Variants in JAK2 observed in about 807,000 individuals in gnomAD.
JAK2 encodes tyrosine-protein kinase JAK2.
A neutral mutation model predicts 139.3 loss-of-function variants in JAK2; 86 were observed. That is an observed-to-expected ratio of 0.62 (90% confidence interval 0.52 to 0.74). The LOEUF (loss-of-function observed/expected upper bound fraction) is 0.74, where lower values mean the gene tolerates loss of function less well. Among genes scored for constraint, JAK2 ranks in the 30% least tolerant of loss-of-function variants. The pLI is 0.00. For missense variants in JAK2, 1,421 were observed against 1,360.3 expected (o/e 1.04, Z -0.70); for synonymous variants, 490 against 437.7 (o/e 1.12, Z -1.49).
At chr9:5,002,977 A>T (rs914115392) in intron 2 of JAK2, among the ~76,000 whole-genome samples, 4 of 151,980 alleles carry the variant, frequency 2.6e-5, no homozygotes, top group Admixed American at 1.3e-4. Context: ...ACTAAGCCAC[A>T]TGTTTTGAAA....
Position 5,044,491 on chromosome 9 carries a change from G to T in JAK2, c.439G>T (p.Asp147Tyr). The change falls in exon 5 of 25, where the codon GAC (aspartate) becomes TAC (tyrosine). Residue 147 changes from aspartate to tyrosine, a missense_variant. Coordinates refer to ENST00000381652, the MANE Select transcript of JAK2 (RefSeq NM_004972.4). ...AGGTGCTGAAGCTCCTCTTCTTGAT[G>T]ACTTTGTCATGTCTTACCTCTTTGC... ...SRGAEAPLLDDFVMSYLFAQW... is the reference protein window; with the variant it reads ...SRGAEAPLLDYFVMSYLFAQW... 3 of 1,610,162 alleles carry T rather than the reference G, an allele frequency of 1.9e-6. No individual in the cohort carries two copies. In the South Asian group the frequency reaches 3.3e-5, roughly 18 times the overall value.
chr9:5,055,036 T>C, intron 7 of JAK2, 152 bp downstream of exon 7: 1 of 505,776 alleles, frequency 2.0e-6, no homozygotes, highest in Non-Finnish European at 3.4e-6. Context: ...CAAGGTCATA[T>C]AATTCTTTGC....
chr9:5,038,051 CATT>C (rs1044937323), intron 4 of JAK2, among the ~76,000 whole-genome samples: 66 of 152,208 alleles, frequency 4.3e-4, no homozygotes, highest in Non-Finnish European at 4.3e-4. Flanking sequence ...TACAACTATT[CATT>C]ATTCTTATAA....
chr9:5,008,278 T>C (rs1038144961), intron 2 of JAK2, among the ~76,000 whole-genome samples: 1 of 152,244 alleles, frequency 6.6e-6, no homozygotes, highest in South Asian at 2.1e-4. Context: ...TCATTAATAA[T>C]TTGTTGAGAA....
chr9:5,090,918 A>G lies in JAK2; in HGVS notation c.3059+7A>G, dbSNP rs760076178. The G allele has an allele frequency of 6.5e-7, 1 of 1,545,038 alleles. No individual in the cohort carries two copies. The highest frequency in any genetic ancestry group is 2.1e-5 in the Admixed American group (1 of 47,238). Reference sequence around the variant, plus strand: ...GTGAAAGTCCCATATTCTGGTGAGTATATTTCAGTATGATAAATGAAATTT... The same window carrying G: ...GTGAAAGTCCCATATTCTGGTGAGTGTATTTCAGTATGATAAATGAAATTT... On this transcript the variant is annotated splice_region_variant and intron_variant, in intron 22 of 24. Coordinates refer to ENST00000381652, the MANE Select transcript of JAK2 (RefSeq NM_004972.4).
In JAK2 at chr9:5,072,722, T is replaced by C. The variant is rs753573078; in HGVS notation, c.1776+96T>C. 74 of 941,266 alleles carry C rather than the reference T, an allele frequency of 7.9e-5. No individual in the cohort carries two copies. The Middle Eastern group carries it at 1.1e-3, about 14-fold the overall frequency. 58.3% of individuals were successfully genotyped at this position (941,266 alleles called of 1,614,324 possible). ...TACTCATGTGTGCAGCTTTTCAAAA[T>C]TGTAATTTTTAAATGTGTCAAGGAC... On this transcript the variant is annotated intron_variant, in intron 13 of 24. Coordinates refer to ENST00000381652, the MANE Select transcript of JAK2 (RefSeq NM_004972.4).
intron 19 of JAK2, chr9:5,085,762 G>T (rs1475530428): frequency 1.9e-5 from 14 of 754,836 alleles, no homozygotes; most frequent in Non-Finnish European, 3.2e-5. Context: ...GCTTGCACAT[G>T]TCGGGAGTTA....
intron 22 of JAK2, chr9:5,111,091 A>G: frequency 8.2e-7 from 1 of 1,221,112 alleles, no homozygotes; most frequent in Non-Finnish European, 1.1e-6. Flanking sequence ...CTCCTGGGGC[A>G]GCGGCGACCA....
chr9:5,054,781 G>C lies in JAK2; in HGVS notation c.833G>C (p.Gly278Ala). ...EKFEVKEPGS[G>A]PSGEEIFATI... is the part of the protein sequence containing the mutation. ...TTTGAAGTAAAAGAACCTGGAAGTG[G>C]TCCTTCAGGTGAGGAGATTTTTGCA... Residue 278 changes from glycine to alanine, a missense_variant, in exon 7 of 25, where the codon GGT becomes GCT. Transcript: ENST00000381652. The surrounding 1 kb of genome is among the most constrained non-coding windows in gnomAD (Gnocchi z 4.9). 1.1e-5 allele frequency: 18 copies of C among 1,612,760 alleles called. No homozygotes were observed. The highest frequency in any genetic ancestry group is 1.5e-5 in the Non-Finnish European group (18 of 1,178,954).
chr9:5,040,626 CAACTT>C (rs959402086), intron 4 of JAK2, among the ~76,000 whole-genome samples: 9 of 152,244 alleles, frequency 5.9e-5, no homozygotes, highest in African/African-American at 1.7e-4. Flanking sequence ...AAGACAATGA[CAACTT>C]AATTTAAAAA....
At chr9:5,113,309 T>A (rs1822812445) in intron 22 of JAK2, among the ~76,000 whole-genome samples, 1 of 143,550 alleles carries the variant, frequency 7.0e-6, no homozygotes, top group Admixed American at 7.3e-5. Context: ...GGAGAAATCG[T>A]AACATATCAC....
intron 22 of JAK2, among the ~76,000 whole-genome samples, chr9:5,103,220 G>GC (rs1821662158): frequency 1.2e-3 from 8 of 6,906 alleles, no homozygotes; most frequent in African/African-American, 5.6e-3. Flanking sequence ...CAAAGGGAAA[G>GC]CAAAAAAAAA....
rs1819888451 is a variant in JAK2, at chr9:4,985,420, T to C, written c.-319T>C. On this transcript the variant is annotated 5_prime_UTR_variant, in exon 1 of 25. Coordinates refer to ENST00000381652, the MANE Select transcript of JAK2 (RefSeq NM_004972.4). ...CCGGGCTTGCGGCGCGCGTCGGGGC[T>C]GAGGGCTGCTGCGGCGCAGGGAGAG... 6.6e-6 allele frequency: 1 copy of C among 152,402 alleles called. No individual in the cohort carries two copies. The highest frequency in any genetic ancestry group is 1.5e-5 in the Non-Finnish European group (1 of 68,230). 9.4% of individuals were successfully genotyped at this position (152,402 alleles called of 1,614,324 possible).
chr9:5,017,090 T>C (rs1822117246), intron 2 of JAK2, among the ~76,000 whole-genome samples: 1 of 152,176 alleles, frequency 6.6e-6, no homozygotes, highest in South Asian at 2.1e-4. Context: ...CCATGACATG[T>C]AGGAGTGATA....
At chr9:5,083,306 T>C (rs532165963) in intron 19 of JAK2, among the ~76,000 whole-genome samples, 2 of 152,312 alleles carry the variant, frequency 1.3e-5, no homozygotes, top group East Asian at 3.9e-4. Context: ...AACCTACATA[T>C]TATAAGTAAG....
chr9:5,112,478 G>A (rs1822689975), intron 22 of JAK2: 2 of 553,448 alleles, frequency 3.6e-6, no homozygotes, highest in Non-Finnish European at 6.5e-6. Flanking sequence ...GACCGGACCA[G>A]CCCAGACAAG....
In JAK2 at chr9:5,068,031, G is replaced by A. The variant is rs187895078; in HGVS notation, c.1327-991G>A. 4.7e-3 allele frequency among the ~76,000 whole-genome samples: 721 copies of A among 152,052 alleles called. 2 individuals are homozygous for A. The highest frequency in any genetic ancestry group is 0.011 in the Admixed American group (165 of 15,274). Reference sequence around the variant, plus strand: ...AAAAATTAGCTGGGCATGGTGGTGCGCACCTGTAGTCCCAGCTACTCGGGA... The same window carrying A: ...AAAAATTAGCTGGGCATGGTGGTGCACACCTGTAGTCCCAGCTACTCGGGA... On this transcript the variant is annotated intron_variant, in intron 10 of 24. Transcript: ENST00000381652.
intron 22 of JAK2, chr9:5,108,218 T>G (rs1184725457): frequency 6.6e-6 from 1 of 152,126 alleles, no homozygotes; most frequent in Non-Finnish European, 1.5e-5. Flanking sequence ...TATATTGATT[T>G]CCCTGCAGAT....
At chr9:5,107,503 C>A (rs1822060840) in intron 22 of JAK2, among the ~76,000 whole-genome samples, 1 of 152,086 alleles carries the variant, frequency 6.6e-6, no homozygotes, top group Admixed American at 6.5e-5. Context: ...AGCCCTTATA[C>A]TAGTTATCAT....
Sources: allele counts gnomAD v4.1 joint callset (sites outside exome capture counted in the v4.1 genomes callset), GRCh38; gene constraint gnomAD v4.1.1; non-coding constraint Gnocchi (gnomAD v3.1); transcripts MANE v1.5; gene names NCBI Gene and HGNC (gene_info 2026-07-23, HGNC 2026-07-21).